Variants in LRRC7 observed in about 807,000 individuals in gnomAD.
LRRC7 encodes the protein leucine rich repeat containing 7.
Under a neutral mutation model 175.7 loss-of-function variants are expected in LRRC7, and 23 were observed. That is an observed-to-expected ratio of 0.13 (90% CI 0.09 to 0.19). The LOEUF (loss-of-function observed/expected upper bound fraction) is 0.19, where lower values mean the gene tolerates loss of function less well. Among genes scored for constraint, LRRC7 ranks in the 10% least tolerant of loss-of-function variants. The pLI is 1.00. For missense variants in LRRC7, 1,354 were observed against 1,904.7 expected (o/e 0.71, Z 5.38); for synonymous variants, 685 against 680.9 (o/e 1.01, Z -0.09).
At chr1:69,931,602 T>G in intron 8 of LRRC7, 32 bp downstream of exon 8, 1 of 1,532,950 alleles carries the variant, frequency 6.5e-7, no homozygotes, top group Non-Finnish European at 9.0e-7. Flanking sequence ...ACCTGATAAA[T>G]ACCCTTCAGG....
intron 1 of LRRC7, among the ~76,000 whole-genome samples, chr1:69,598,249 T>C (rs1359138953): frequency 6.6e-6 from 1 of 152,118 alleles, no homozygotes; most frequent in African/African-American, 2.4e-5. Context: ...CTTTCAGGAA[T>C]ATAGTCTATG....
chr1:69,893,170 A>T (rs1570539271), intron 7 of LRRC7, among the ~76,000 whole-genome samples: 2 of 152,184 alleles, frequency 1.3e-5, no homozygotes, highest in South Asian at 4.1e-4. Flanking sequence ...TGGTTAAAAG[A>T]GTATCAGTTT....
At chr1:69,650,066 T>G (rs1023996077) in intron 1 of LRRC7, among the ~76,000 whole-genome samples, 2 of 152,170 alleles carry the variant, frequency 1.3e-5, no homozygotes, top group Non-Finnish European at 2.9e-5. Flanking sequence ...TGTGACTCTT[T>G]CTTCTAATGA....
intron 2 of LRRC7, among the ~76,000 whole-genome samples, chr1:69,726,643 G>A (rs1409457330): frequency 1.3e-5 from 2 of 152,088 alleles, no homozygotes; most frequent in African/African-American, 2.4e-5. Context: ...CGTAACTAAA[G>A]CCAAGGGTAT....
At position 69,929,845 on chromosome 1, in the gene LRRC7, G is replaced by A. The variant is rs142005930; in HGVS notation, c.648-1662G>A. On this transcript the variant is annotated intron_variant, in intron 7 of 26. Transcript: ENST00000651989. ...AGTCTCTACATTGTGCTGTAAGATC[G>A]CATATTATGCAACTCCCCATTACAT... 2.2e-4 allele frequency among the ~76,000 whole-genome samples: 34 copies of A among 152,172 alleles called. 1 individual carries two copies. In the South Asian group the frequency reaches 3.7e-3, roughly 17 times the overall value.
intron 8 of LRRC7, among the ~76,000 whole-genome samples, chr1:69,976,053 A>G (rs887373949): frequency 4.0e-5 from 6 of 151,758 alleles, no homozygotes; most frequent in East Asian, 1.9e-4. Context: ...TTCTACCTGT[A>G]TTGTGTCTAT....
At chr1:70,035,831 G>C (rs184586104) in intron 18 of LRRC7, among the ~76,000 whole-genome samples, 1 of 151,890 alleles carries the variant, frequency 6.6e-6, no homozygotes, top group South Asian at 2.1e-4. Flanking sequence ...CTCCCAGAGG[G>C]CACCAGCCAC....
At chr1:70,003,754 G>A (rs944930548) in intron 11 of LRRC7, among the ~76,000 whole-genome samples, 1 of 151,784 alleles carries the variant, frequency 6.6e-6, no homozygotes, top group African/African-American at 2.4e-5. Flanking sequence ...AATATTAATT[G>A]CAGTACTTAC....
At position 69,678,444 on chromosome 1, in the gene LRRC7, T is replaced by C. The variant is rs779511620; in HGVS notation, c.66T>C (p.Val22=). 22 of 1,605,360 alleles carry C rather than the reference T, an allele frequency of 1.4e-5. No homozygotes were observed. The African/African-American group carries it at 2.9e-4, about 21-fold the overall frequency. ...PQYQRSPCKE[V]RAALRKRPEE... is the part of the protein sequence containing the mutation. The stretch of plus-strand genomic sequence containing the variant: ...ACCAGAGAAGTCCTTGTAAAGAGGT[T>C]CGTGCAGCACTTCGGAAGAGGCCTG... The change falls in exon 2 of 27, where the codon GTT becomes GTC. Residue 22 remains valine, a synonymous_variant. Coordinates refer to ENST00000651989, the MANE Select transcript of LRRC7 (RefSeq NM_001370785.2).
chr1:69,717,805 AG>A (rs756965299), intron 2 of LRRC7, among the ~76,000 whole-genome samples: 8 of 42,516 alleles, frequency 1.9e-4, no homozygotes, highest in Non-Finnish European at 2.9e-4. Context: ...AAAGAAAGAA[AG>A]AAAGAAAGAA....
At chr1:69,668,143 T>A (rs1658541602) in intron 1 of LRRC7, among the ~76,000 whole-genome samples, 1 of 151,946 alleles carries the variant, frequency 6.6e-6, no homozygotes, top group South Asian at 2.1e-4. Context: ...ACATTTTGTG[T>A]TTCTTTTCTC....
chr1:69,838,336 A>G (rs930289931), intron 7 of LRRC7, 53 bp downstream of exon 7: 1 of 1,370,670 alleles, frequency 7.3e-7, no homozygotes, highest in Non-Finnish European at 1.0e-6. Context: ...TTCACTAGTA[A>G]GAGAAATAAC....
intron 26 of LRRC7, among the ~76,000 whole-genome samples, chr1:70,111,713 T>C (rs1350098294): frequency 6.6e-6 from 1 of 152,170 alleles, no homozygotes; most frequent in African/African-American, 2.4e-5. Flanking sequence ...AAATACATAC[T>C]GTACCTGATA....
intron 25 of LRRC7, among the ~76,000 whole-genome samples, chr1:70,106,877 T>C (rs1482362396): frequency 6.6e-6 from 1 of 152,246 alleles, no homozygotes; most frequent in Non-Finnish European, 1.5e-5. Flanking sequence ...TCTTCTCCTC[T>C]TGGAAGAACC....
Position 69,582,648 on chromosome 1 carries a change from T to A in LRRC7, c.2+14007T>A, listed in dbSNP as rs77444999. 6.9e-3 allele frequency among the ~76,000 whole-genome samples: 1,056 copies of A among 152,310 alleles called. 6 individuals carry two copies. The highest frequency in any genetic ancestry group is 0.024 in the African/African-American group (997 of 41,572). ...GATGCCATCAGGAACTCCAAGTCAT[T>A]CCAAATCTTTATCTATTTCTTTGGT... On this transcript the variant is annotated intron_variant, in intron 1 of 26. Transcript: ENST00000651989.
At chr1:70,068,199 A>G (rs1412104248) in intron 23 of LRRC7, among the ~76,000 whole-genome samples, 1 of 152,162 alleles carries the variant, frequency 6.6e-6, no homozygotes, top group African/African-American at 2.4e-5. Flanking sequence ...TTAGTGGTAA[A>G]GCATTTGGTT....
chr1:69,577,221 ATAGG>A (rs1645990612), intron 1 of LRRC7, among the ~76,000 whole-genome samples: 1 of 152,210 alleles, frequency 6.6e-6, no homozygotes, highest in Admixed American at 6.5e-5. Flanking sequence ...TATAAAAATC[ATAGG>A]TAAACTTACC....
At chr1:69,936,395 A>G (rs950709278) in intron 8 of LRRC7, among the ~76,000 whole-genome samples, 13 of 152,174 alleles carry the variant, frequency 8.5e-5, no homozygotes, top group Non-Finnish European at 1.6e-4. Context: ...CATGACATAC[A>G]TCTTCATTTA....
At position 69,625,067 on chromosome 1, in the gene LRRC7, C is replaced by T. The variant is rs184444004; in HGVS notation, c.3-53314C>T. On this transcript the variant is annotated intron_variant, in intron 1 of 26. Coordinates refer to ENST00000651989, the MANE Select transcript of LRRC7 (RefSeq NM_001370785.2). The stretch of plus-strand genomic sequence containing the variant: ...ATTGAGAAAATTTGTATAAGGCTGG[C>T]ATTATTTTTTCTTTAAATGATTAGC... Among the ~76,000 whole-genome samples the T allele has an allele frequency of 2.5e-3, 384 of 152,070 alleles. 3 individuals are homozygous for T. Among genetic ancestry groups the T allele is most frequent in the African/African-American group, 8.8e-3 (364 of 41,526 alleles).
Sources: allele counts gnomAD v4.1 joint callset (sites outside exome capture counted in the v4.1 genomes callset), GRCh38; gene constraint gnomAD v4.1.1; transcripts MANE v1.5; gene names NCBI Gene and HGNC (gene_info 2026-07-23, HGNC 2026-07-21).